Variants in CLCC1 observed in about 807,000 individuals in gnomAD.
CLCC1 encodes chloride channel CLIC-like protein 1.
Under a neutral mutation model 63.3 loss-of-function variants are expected in CLCC1, and 39 were observed. That is an observed-to-expected ratio of 0.62 (90% CI 0.48 to 0.81). The LOEUF is 0.81. Ranked by LOEUF, CLCC1 falls within the 30% of genes least tolerant of loss-of-function variation. CLCC1 has a pLI of 0.00. For synonymous variants in CLCC1, 217 were observed against 239.8 expected (o/e 0.90, Z 0.88); for missense variants, 549 against 669.4 (o/e 0.82, Z 1.98).
chr1:108,962,550 T>C (rs1020248978), intron 1 of CLCC1, 81 bp from the exon 2 acceptor site: 1 of 152,194 alleles, frequency 6.6e-6, no homozygotes, highest in Non-Finnish European at 1.5e-5. Flanking sequence ...CTACAGCTTA[T>C]GGTGTGTCTA....
chr1:108,945,316 G>C (rs930953387), intron 5 of CLCC1, among the ~76,000 whole-genome samples: 17 of 151,876 alleles, frequency 1.1e-4, no homozygotes, highest in Non-Finnish European at 2.1e-4. Flanking sequence ...TTTAATGATT[G>C]GTCTCAAAAT....
At chr1:108,958,639 G>T (rs1203509735) in intron 2 of CLCC1, among the ~76,000 whole-genome samples, 1 of 151,464 alleles carries the variant, frequency 6.6e-6, no homozygotes, top group Non-Finnish European at 1.5e-5. Flanking sequence ...CAGCACTTTG[G>T]GAGGCCCAGC....
At position 108,949,902 on chromosome 1, in the gene CLCC1, C is replaced by T; in HGVS notation, c.149G>A (p.Gly50Glu). Residue 50 changes from glycine to glutamate, a missense_variant, in exon 4 of 13, where the codon GGG becomes GAG. By Grantham distance (98) the Gly-to-Glu change is moderately conservative. Transcript: ENST00000369969. ...RKSQAKYGISGEKDVSPDLSC... is the reference protein window; with the variant it reads ...RKSQAKYGISEEKDVSPDLSC... ...CAAGTCAGGACTGACATCCTTTTCC[C>T]CTGAAATACCATATTTTGCCTAAAA... 6.3e-7 allele frequency: 1 copy of T among 1,596,374 alleles called. No homozygotes were observed. Among genetic ancestry groups the T allele is most frequent in the Non-Finnish European group, 8.5e-7 (1 of 1,172,874 alleles).
chr1:108,929,801 A>G lies in CLCC1; in HGVS notation c.*2746T>C. On this transcript the variant is annotated 3_prime_UTR_variant, in exon 13 of 13. Transcript: ENST00000369969. ...TTTTTCAGCCTTATTTTACGGTCCCAGGGAAAGAGAATGGATGAACAGAGA... is the reference window on the plus strand; with the variant it reads ...TTTTTCAGCCTTATTTTACGGTCCCGGGGAAAGAGAATGGATGAACAGAGA... 2 of 1,614,140 alleles carry G rather than the reference A, an allele frequency of 1.2e-6. No homozygotes were observed. The highest frequency in any genetic ancestry group is 1.7e-6 in the Non-Finnish European group (2 of 1,179,956).
intron 2 of CLCC1, among the ~76,000 whole-genome samples, chr1:108,955,622 G>A (rs1021278800): frequency 6.6e-6 from 1 of 151,540 alleles, no homozygotes; most frequent in Admixed American, 6.5e-5. Context: ...GTCTGAAGGG[G>A]TTTCCAGGGA....
At chr1:108,950,056 C>CA (rs531839111) in intron 3 of CLCC1, 135 bp from the exon 4 acceptor site, 383 of 660,734 alleles carry the variant, frequency 5.8e-4, no homozygotes, top group South Asian at 9.7e-4. Context: ...TACTGAACCA[C>CA]AAAAAAAAAG....
intron 9 of CLCC1, 39 bp from the exon 10 acceptor site, chr1:108,939,821 G>A: frequency 6.2e-7 from 1 of 1,600,620 alleles, no homozygotes; most frequent in East Asian, 2.2e-5. Context: ...TCTCCTCACA[G>A]GACTAAGGTA....
rs369570814 is a variant in CLCC1, at chr1:108,929,974, C to T, written c.*2573G>A. The T allele has an allele frequency of 1.1e-5, 18 of 1,586,466 alleles. No individual in the cohort carries two copies. Among genetic ancestry groups the T allele is most frequent in the African/African-American group, 5.4e-5 (4 of 74,214 alleles). ...GATTTATTTTTTTTCCTTTCAAACA[C>T]GGTAAGGAAACAATCTATTACTTTT... On this transcript the variant is annotated 3_prime_UTR_variant, in exon 13 of 13. Coordinates refer to ENST00000369969, the MANE Select transcript of CLCC1 (RefSeq NM_001377458.1).
At chr1:108,934,526 T>C in intron 12 of CLCC1, 99 bp downstream of exon 12, 3 of 891,836 alleles carry the variant, frequency 3.4e-6, no homozygotes, top group Non-Finnish European at 5.0e-6. Flanking sequence ...TCAGTAAAAA[T>C]GTGAATGTTG....
rs377328396 is a variant in CLCC1, at chr1:108,950,292, C to T, written c.129+17G>A. ...ACTGATAAGGTCTCACACACATGCA[C>T]GAATTTTTTTTAATACCTGAGATTT... On this transcript the variant is annotated intron_variant, in intron 3 of 12. Transcript: ENST00000369969. 43 of 1,601,940 alleles carry T rather than the reference C, an allele frequency of 2.7e-5. No individual in the cohort carries two copies. The highest frequency in any genetic ancestry group is 3.3e-5 in the South Asian group (3 of 89,624).
At chr1:108,958,537 A>ATT (rs1656215785) in intron 2 of CLCC1, among the ~76,000 whole-genome samples, 2 of 151,574 alleles carry the variant, frequency 1.3e-5, no homozygotes, top group Non-Finnish European at 2.9e-5. Flanking sequence ...CAGATATGTC[A>ATT]AAGAGAAGCC....
rs1651552469 is a variant in CLCC1, at chr1:108,929,632, A to C, written c.*2915T>G. The C allele has an allele frequency of 2.8e-6, 4 of 1,436,316 alleles. No individual in the cohort carries two copies. Among genetic ancestry groups the C allele is most frequent in the Admixed American group, 1.7e-5 (1 of 59,410 alleles). 89.0% of individuals were successfully genotyped at this position (1,436,316 alleles called of 1,614,324 possible). A position where few individuals can be genotyped will look rare whatever the true frequency, so the allele number is the denominator to read the frequency against. On this transcript the variant is annotated 3_prime_UTR_variant, in exon 13 of 13. Coordinates refer to ENST00000369969, the MANE Select transcript of CLCC1 (RefSeq NM_001377458.1). The stretch of plus-strand genomic sequence containing the variant: ...CAACTGCGTTTTCTTGTTGTGACTG[A>C]GAGATTTAACATAGCTTGGTGCTTT...
intron 10 of CLCC1, among the ~76,000 whole-genome samples, chr1:108,939,167 T>C (rs947067570): frequency 3.5e-5 from 5 of 144,694 alleles, no homozygotes; most frequent in Non-Finnish European, 7.5e-5. Context: ...TAAATCTTGC[T>C]AAATACTGAC....
chr1:108,937,224 A>AT lies in CLCC1; in HGVS notation c.1235dup (p.Tyr412Ter). Reference protein sequence around the residue: ...GQMGPTEQGPYAKTYEGRREI... With the variant: ...GQMGPTEQGP Reference sequence around the variant, plus strand: ...CTCTTCTACCCTCATACGTTTTGGCATAAGGGCCTTGCTCAGTGGGGCCCA... The same window carrying AT: ...CTCTTCTACCCTCATACGTTTTGGCATTAAGGGCCTTGCTCAGTGGGGCCCA... The change falls in exon 11 of 13, where the codon TAT (tyrosine) becomes TAAT (stop). Residue 412 changes from tyrosine to a stop codon, truncating the protein, a stop_gained and frameshift_variant. Transcript: ENST00000369969. LOFTEE classifies it high-confidence loss of function. The AT allele has an allele frequency of 6.2e-7, 1 of 1,613,534 alleles. No individual in the cohort carries two copies. The highest frequency in any genetic ancestry group is 8.5e-7 in the Non-Finnish European group (1 of 1,179,836).
chr1:108,933,943 A>C (rs1652429883), intron 12 of CLCC1: 1 of 152,256 alleles, frequency 6.6e-6, no homozygotes, highest in South Asian at 2.1e-4. Context: ...GTAACACAAA[A>C]AATAGGTTTT....
Position 108,929,631 on chromosome 1 carries a change from G to A in CLCC1, c.*2916C>T, listed in dbSNP as rs1014388324. 59 of 1,438,474 alleles carry A rather than the reference G, an allele frequency of 4.1e-5. No individual in the cohort carries two copies. Among genetic ancestry groups the A allele is most frequent in the Non-Finnish European group, 5.7e-5 (58 of 1,022,298 alleles). 89.1% of individuals were successfully genotyped at this position (1,438,474 alleles called of 1,614,324 possible). On this transcript the variant is annotated 3_prime_UTR_variant, in exon 13 of 13. Transcript: ENST00000369969. ...ACAACTGCGTTTTCTTGTTGTGACT[G>A]AGAGATTTAACATAGCTTGGTGCTT...
chr1:108,954,526 C>A (rs574091430), intron 2 of CLCC1, among the ~76,000 whole-genome samples: 1 of 150,794 alleles, frequency 6.6e-6, no homozygotes, highest in African/African-American at 2.5e-5. Flanking sequence ...ACCACCACCA[C>A]CAGCACTAAG....
At chr1:108,948,356 C>T (rs756046922) in intron 4 of CLCC1, among the ~76,000 whole-genome samples, 2 of 152,188 alleles carry the variant, frequency 1.3e-5, no homozygotes, top group East Asian at 1.9e-4. Flanking sequence ...AGACTTCCTA[C>T]GAACTTAGCT....
At position 108,934,659 on chromosome 1, in the gene CLCC1, C is replaced by T. The variant is rs1189652853; in HGVS notation, c.*11G>A. ...AGGAGACTTGAGGCTGTCGTTTGTG[C>T]TGGTGTTCCTCTAGCCACAGGGGCT... On this transcript the variant is annotated 3_prime_UTR_variant, in exon 12 of 13. Transcript: ENST00000369969. 1 of 1,608,884 alleles carries T rather than the reference C, an allele frequency of 6.2e-7. No individual in the cohort carries two copies. The highest frequency in any genetic ancestry group is 2.2e-5 in the East Asian group (1 of 44,764).
Sources: gnomAD v4.1 joint callset for allele counts (sites outside exome capture counted in the v4.1 genomes callset) on GRCh38, gnomAD v4.1.1 for gene constraint, MANE v1.5 for transcripts, NCBI Gene and HGNC (gene_info 2026-07-23, HGNC 2026-07-21) for gene names.